Variants in ROBO2 observed in about 807,000 individuals in gnomAD.
The protein encoded by ROBO2 is roundabout homolog 2.
Under a neutral mutation model 160.8 loss-of-function variants are expected in ROBO2, and 53 were observed. The observed-to-expected ratio is 0.33, with a 90% CI of 0.26 to 0.41. The LOEUF is 0.41. Among genes scored for constraint, ROBO2 ranks in the 10% least tolerant of loss-of-function variants. ROBO2 has a pLI of 1.00. For missense variants in ROBO2, 1,577 were observed against 1,722.4 expected (o/e 0.92, Z 1.49); for synonymous variants, 664 against 611.7 (o/e 1.09, Z -1.26).
intron 2 of ROBO2, among the ~76,000 whole-genome samples, chr3:76,555,425 G>GAAGAAGAGGAAGAAGAAGAA (rs1399867100): frequency 1.5e-5 from 1 of 68,472 alleles, no homozygotes; most frequent in Non-Finnish European, 3.3e-5. Flanking sequence ...AAGAAAGAAG[G>GAAGAAGAGGAAGAAGAAGAA]AGAAGGGGAA....
At chr3:77,304,390 C>G (rs2062916848) in intron 2 of ROBO2, among the ~76,000 whole-genome samples, 1 of 152,116 alleles carries the variant, frequency 6.6e-6, no homozygotes, top group African/African-American at 2.4e-5. Context: ...CATTAGCAAC[C>G]AGTGGCTTGA....
chr3:77,438,107 C>T lies in ROBO2; in HGVS notation c.389-39307C>T, dbSNP rs540123107. On this transcript the variant is annotated intron_variant, in intron 2 of 25. Coordinates refer to ENST00000461745, the Ensembl canonical transcript of ROBO2. ...TGCTTAGTTTCAGATACAAACTTTT[C>T]AACCTACACAGCCTTGATTGGATTG... is the stretch of plus-strand genomic sequence containing the variant. Among the ~76,000 whole-genome samples the T allele has an allele frequency of 2.0e-4, 31 of 151,954 alleles. No homozygotes were observed. In the East Asian group the frequency reaches 4.1e-3, roughly 20 times the overall value.
intron 2 of ROBO2, among the ~76,000 whole-genome samples, chr3:75,958,445 A>G (rs188515823): frequency 2.2e-4 from 33 of 151,948 alleles, no homozygotes; most frequent in Admixed American, 3.3e-4. Flanking sequence ...AACTCAAACT[A>G]TACAACTTTA....
intron 2 of ROBO2, among the ~76,000 whole-genome samples, chr3:76,327,804 T>C (rs2073146273): frequency 6.6e-6 from 1 of 152,178 alleles, no homozygotes; most frequent in South Asian, 2.1e-4. Flanking sequence ...ATGTCATGCT[T>C]TTTGAAATAT....
intron 2 of ROBO2, among the ~76,000 whole-genome samples, chr3:76,148,948 T>A (rs2072032242): frequency 6.6e-6 from 1 of 152,118 alleles, no homozygotes; most frequent in Non-Finnish European, 1.5e-5. Flanking sequence ...ACCATGTATA[T>A]GCTAATGACA....
chr3:77,179,877 A>G (rs1030588356), intron 2 of ROBO2, among the ~76,000 whole-genome samples: 1 of 152,124 alleles, frequency 6.6e-6, no homozygotes, highest in Non-Finnish European at 1.5e-5. Context: ...TACTCTGTTA[A>G]GGAGATAGTT....
chr3:76,993,100 G>A (rs2060786194), intron 2 of ROBO2, among the ~76,000 whole-genome samples: 1 of 152,156 alleles, frequency 6.6e-6, no homozygotes, highest in Admixed American at 6.5e-5. Flanking sequence ...TAACAGGCAT[G>A]AGCCACTGTG....
chr3:75,928,539 C>T (rs917648878), intron 1 of ROBO2, among the ~76,000 whole-genome samples: 1 of 152,188 alleles, frequency 6.6e-6, no homozygotes, highest in Non-Finnish European at 1.5e-5. Flanking sequence ...ATTCCTTTAA[C>T]AAAGTTCATC....
intron 1 of ROBO2, among the ~76,000 whole-genome samples, chr3:77,095,820 T>C (rs2070982591): frequency 1.3e-5 from 2 of 152,192 alleles, no homozygotes; most frequent in African/African-American, 4.8e-5. Context: ...TTCTGTAAAT[T>C]CCTCATTGCT....
At chr3:76,051,591 A>G (rs1045950381) in intron 2 of ROBO2, among the ~76,000 whole-genome samples, 2 of 152,174 alleles carry the variant, frequency 1.3e-5, no homozygotes, top group Admixed American at 1.3e-4. Flanking sequence ...AGTTCATGCA[A>G]CAATTATTTT....
chr3:77,211,261 A>C (rs2084113445), intron 2 of ROBO2, among the ~76,000 whole-genome samples: 1 of 152,136 alleles, frequency 6.6e-6, no homozygotes, highest in South Asian at 2.1e-4. Context: ...TTGTTGCCTG[A>C]CTTTTTAATG....
intron 2 of ROBO2, among the ~76,000 whole-genome samples, chr3:76,640,882 A>G (rs1246310088): frequency 6.6e-6 from 1 of 152,178 alleles, no homozygotes. Context: ...AACCTGAGGG[A>G]GTGCACAGTG....
chr3:76,128,146 G>A (rs1031822688), intron 2 of ROBO2, among the ~76,000 whole-genome samples: 6 of 151,370 alleles, frequency 4.0e-5, no homozygotes, highest in African/African-American at 1.2e-4. Context: ...CACCCACCTC[G>A]GCCTCCCAAA....
At chr3:76,280,678 C>A (rs1431099468) in intron 2 of ROBO2, among the ~76,000 whole-genome samples, 5 of 151,920 alleles carry the variant, frequency 3.3e-5, no homozygotes, top group Non-Finnish European at 5.9e-5. Context: ...ACTTTTATTG[C>A]TTTTTAGAAA....
At chr3:76,938,309 G>A (rs184291257) in intron 2 of ROBO2, among the ~76,000 whole-genome samples, 520 of 151,984 alleles carry the variant, frequency 3.4e-3, no homozygotes, top group Non-Finnish European at 5.6e-3. Flanking sequence ...AGCCGAGACT[G>A]TGCTTCTGCA....
intron 14 of ROBO2, among the ~76,000 whole-genome samples, chr3:77,576,245 T>C (rs2093760195): frequency 1.3e-5 from 2 of 152,126 alleles, no homozygotes. Flanking sequence ...ATTAACATGT[T>C]GCTGTGTGTG....
exon 4 of ROBO2, chr3:77,481,191 C>A: frequency 6.2e-7 from 1 of 1,602,134 alleles, no homozygotes; most frequent in Non-Finnish European, 8.5e-7. Context: ...GAGAAAGGGA[C>A]AGTGACCCAG....
intron 15 of ROBO2, among the ~76,000 whole-genome samples, chr3:77,578,729 A>G (rs1027206326): frequency 6.6e-6 from 1 of 152,108 alleles, no homozygotes; most frequent in African/African-American, 2.4e-5. Context: ...TTTTATAAGC[A>G]TTAGGACATT....
At chr3:76,959,277 G>A (rs1375073417) in intron 2 of ROBO2, among the ~76,000 whole-genome samples, 5 of 152,094 alleles carry the variant, frequency 3.3e-5, no homozygotes, top group Admixed American at 6.6e-5. Flanking sequence ...GGTTCAAATC[G>A]CCCTTTGTGG....
Sources: gnomAD v4.1 joint callset for allele counts (sites outside exome capture counted in the v4.1 genomes callset) on GRCh38, gnomAD v4.1.1 for gene constraint, MANE v1.5 for transcripts, NCBI Gene and HGNC (gene_info 2026-07-23, HGNC 2026-07-21) for gene names.